The following HECW1 variants were observed in gnomAD, a reference collection of about 807,000 sequenced individuals.
The protein encoded by HECW1 is E3 ubiquitin-protein ligase HECW1.
HECW1 carries 61 observed loss-of-function variants against 182.3 expected under a neutral mutation model. The ratio of observed to expected loss-of-function variants is 0.33; its 90% CI spans 0.27 to 0.41. The LOEUF (loss-of-function observed/expected upper bound fraction) is 0.41, where lower values mean the gene tolerates loss of function less well. Ranked by LOEUF, HECW1 falls within the 10% of genes least tolerant of loss-of-function variation. The pLI, the probability that HECW1 is intolerant of heterozygous loss-of-function variation, is 1.00. For missense variants in HECW1, 1,739 were observed against 2,108.9 expected, an observed-to-expected ratio of 0.82 and a Z score of 3.44; for synonymous variants, 859 against 832.6, an observed-to-expected ratio of 1.03 and a Z score of -0.55.
intron 2 of HECW1, among the ~76,000 whole-genome samples, chr7:43,228,955 C>T (rs1797659693): frequency 6.6e-6 from 1 of 152,156 alleles, no homozygotes; most frequent in Non-Finnish European, 1.5e-5. Context: ...GTGGTAGATT[C>T]TGCATCATGA....
chr7:43,393,269 C>T lies in HECW1; in HGVS notation c.556-3545C>T, dbSNP rs148968958. ...CACAGAGCAAAGGGAGCTTGTCAGC[C>T]CTGAGAAGACCAGCCATGTCCCTGG... On this transcript the variant is annotated intron_variant, in intron 6 of 29. Transcript: ENST00000395891. Among the ~76,000 whole-genome samples, 1,031 of 152,222 alleles carry T rather than the reference C, an allele frequency of 6.8e-3. 8 individuals are homozygous for T. Among genetic ancestry groups the T allele is most frequent in the Admixed American group, 0.017 (260 of 15,280 alleles).
rs57627873 is a variant in HECW1, at chr7:43,429,289, C to CAT, written c.802-8668_802-8667dup. Among the ~76,000 whole-genome samples the CAT allele has an allele frequency of 4.6e-3, 491 of 106,462 alleles. 11 individuals are homozygous for CAT. Among genetic ancestry groups the CAT allele is most frequent in the Non-Finnish European group, 5.6e-3 (297 of 52,896 alleles). 69.8% of individuals were successfully genotyped at this position (106,462 alleles called of 152,430 possible). A position where few individuals can be genotyped will look rare whatever the true frequency, so the allele number is the denominator to read the frequency against. On this transcript the variant is annotated intron_variant, in intron 8 of 29. Coordinates refer to ENST00000395891, the MANE Select transcript of HECW1 (RefSeq NM_015052.5). The stretch of plus-strand genomic sequence containing the variant: ...ATATAAACTTTCCATATATTATATG[C>CAT]ATATATATATATATATATATATATA...
chr7:43,527,377 G>A (rs2080799225), intron 24 of HECW1, among the ~76,000 whole-genome samples: 2 of 124,432 alleles, frequency 1.6e-5, no homozygotes, highest in South Asian at 4.7e-4. Context: ...GGCTCCAGGG[G>A]AGACCCTTTT....
At chr7:43,438,341 C>T in intron 9 of HECW1, 196 bp downstream of exon 9, 1 of 467,884 alleles carries the variant, frequency 2.1e-6, no homozygotes, top group South Asian at 4.1e-5. Context: ...CATCCCTTTT[C>T]ACTTGATGTG....
chr7:43,471,463 T>C (rs1328375690), intron 16 of HECW1, among the ~76,000 whole-genome samples: 2 of 152,158 alleles, frequency 1.3e-5, no homozygotes, highest in East Asian at 1.9e-4. Flanking sequence ...TTATCCACCA[T>C]GGTAGGAAGT....
At chr7:43,140,174 T>C (rs1788011202) in intron 2 of HECW1, among the ~76,000 whole-genome samples, 1 of 152,194 alleles carries the variant, frequency 6.6e-6, no homozygotes, top group Non-Finnish European at 1.5e-5. Context: ...TCTGACATCC[T>C]TTTTTGGCTC....
chr7:43,368,173 G>A (rs912587550), intron 6 of HECW1, among the ~76,000 whole-genome samples: 1 of 152,204 alleles, frequency 6.6e-6, no homozygotes, highest in Non-Finnish European at 1.5e-5. Flanking sequence ...TAAGATACGG[G>A]CAAGTGTGTA....
intron 3 of HECW1, among the ~76,000 whole-genome samples, chr7:43,252,101 A>G (rs542852169): frequency 6.6e-6 from 1 of 152,292 alleles, no homozygotes; most frequent in South Asian, 2.1e-4. Context: ...GTGCATCACT[A>G]TCAGAACCAT....
chr7:43,479,338 A>G (rs940767064), intron 16 of HECW1, among the ~76,000 whole-genome samples: 5 of 152,120 alleles, frequency 3.3e-5, no homozygotes, highest in Non-Finnish European at 7.4e-5. Context: ...TTGTGCTCCT[A>G]TGAGAATCTA....
chr7:43,119,041 A>T (rs73312814), intron 2 of HECW1: 3 of 152,274 alleles, frequency 2.0e-5, no homozygotes, highest in African/African-American at 7.2e-5. Flanking sequence ...TGATTTTGAC[A>T]AACAGCACAT....
chr7:43,508,034 G>T lies in HECW1; in HGVS notation c.3769G>T (p.Asp1257Tyr), dbSNP rs1386989516. Residue 1257 changes from aspartate to tyrosine, a missense_variant, in exon 23 of 30, where the codon GAT becomes TAT. Around this residue, in one of 5 missense-constraint regions of HECW1, gnomAD observed 420 missense variants for 595.7 expected, o/e 0.71. Transcript: ENST00000395891. ...PGKIKLIIRRDHLLEGTFNQV... is the reference protein window; with the variant it reads ...PGKIKLIIRRYHLLEGTFNQV... ...CCTTCTCAGGCTCATTATTCGCCGG[G>T]ATCATTTGTTGGAGGGAACCTTCAA... 6.2e-7 allele frequency: 1 copy of T among 1,613,770 alleles called. No individual in the cohort carries two copies. Among genetic ancestry groups the T allele is most frequent in the Admixed American group, 1.7e-5 (1 of 60,020 alleles).
chr7:43,142,974 A>G (rs1315508105), intron 2 of HECW1, among the ~76,000 whole-genome samples: 1 of 151,992 alleles, frequency 6.6e-6, no homozygotes, highest in Non-Finnish European at 1.5e-5. Context: ...GCCATGTAAC[A>G]CTCCAGACTG....
At chr7:43,473,352 A>G (rs1639959321) in intron 16 of HECW1, among the ~76,000 whole-genome samples, 1 of 152,218 alleles carries the variant, frequency 6.6e-6, no homozygotes, top group Admixed American at 6.5e-5. Flanking sequence ...AGCAACACAA[A>G]CACACTAAGA....
At chr7:43,260,701 TTGATTTAG>T (rs1240612299) in intron 3 of HECW1, among the ~76,000 whole-genome samples, 14 of 151,810 alleles carry the variant, frequency 9.2e-5, no homozygotes, top group Admixed American at 8.5e-4. Flanking sequence ...AGATGTAAGG[TTGATTTAG>T]TGATTTAGTA....
chr7:43,442,338 G>A (rs145850768), intron 9 of HECW1, among the ~76,000 whole-genome samples, 191 bp from the exon 10 acceptor site: 59 of 152,230 alleles, frequency 3.9e-4, no homozygotes, highest in African/African-American at 1.3e-3. Flanking sequence ...GAGTTTATTG[G>A]GTCATAATCC....
At chr7:43,347,067 G>A (rs1208287050) in intron 5 of HECW1, among the ~76,000 whole-genome samples, 1 of 152,122 alleles carries the variant, frequency 6.6e-6, no homozygotes, top group Non-Finnish European at 1.5e-5. Flanking sequence ...CATTGAATTT[G>A]TAGATTGCTT....
At chr7:43,340,580 G>A (rs575120871) in intron 5 of HECW1, among the ~76,000 whole-genome samples, 2 of 151,632 alleles carry the variant, frequency 1.3e-5, no homozygotes, top group African/African-American at 2.4e-5. Context: ...CTGTCTGGGG[G>A]TGGTGACAGT....
chr7:43,551,185 G>A (rs2081812644), intron 27 of HECW1, among the ~76,000 whole-genome samples: 1 of 152,160 alleles, frequency 6.6e-6, no homozygotes, highest in African/African-American at 2.4e-5. Flanking sequence ...CCATGGTCTT[G>A]TCCACCACTG....
At position 43,559,932 on chromosome 7, in the gene HECW1, G is replaced by A. The variant is rs1467556998; in HGVS notation, c.4710-1883G>A. Among the ~76,000 whole-genome samples the A allele has an allele frequency of 1.3e-5, 2 of 152,154 alleles. 1 individual carries two copies. The highest frequency in any genetic ancestry group is 1.3e-4 in the Admixed American group (2 of 15,284). On this transcript the variant is annotated intron_variant, in intron 29 of 29. Transcript: ENST00000395891. ...TGAGTGTTCAGACTAGGTGCTATTC[G>A]TCAATGCTTTCTGTTTACTCCCAGA...
Sources: gnomAD v4.1 joint callset for allele counts (sites outside exome capture counted in the v4.1 genomes callset) on GRCh38, gnomAD v4.1.1 for gene constraint, gnomAD v4.1.1 regional missense constraint, MANE v1.5 for transcripts, NCBI Gene and HGNC (gene_info 2026-07-23, HGNC 2026-07-21) for gene names.